NLK: variants seen among roughly 807,000 people sequenced by gnomAD.
NLK encodes the protein serine/threonine-protein kinase NLK.
A neutral mutation model predicts 59.0 loss-of-function variants in NLK; 11 were observed. The observed-to-expected ratio is 0.19, with a 90% CI of 0.12 to 0.31. The LOEUF (loss-of-function observed/expected upper bound fraction) is 0.31. Ranked by LOEUF, NLK falls within the 10% of genes least tolerant of loss-of-function variation. NLK has a pLI of 1.00. For missense variants in NLK, 410 were observed against 661.1 expected (o/e 0.62, Z 4.16); for synonymous variants, 235 against 235.9 (o/e 1.00, Z 0.03).
intron 1 of NLK, among the ~76,000 whole-genome samples, chr17:28,070,876 A>T (rs1381940472): frequency 5.9e-5 from 9 of 152,288 alleles, no homozygotes; most frequent in Admixed American, 5.2e-4. Flanking sequence ...TGGAAAATCA[A>T]TTGACTATAT....
chr17:28,153,738 C>T (rs1907583763), intron 3 of NLK, among the ~76,000 whole-genome samples: 3 of 152,164 alleles, frequency 2.0e-5, no homozygotes, highest in Admixed American at 2.0e-4. Flanking sequence ...CTTGACAATT[C>T]TGGAACCAGT....
At chr17:28,154,146 A>G (rs1166111880) in intron 3 of NLK, among the ~76,000 whole-genome samples, 1 of 152,240 alleles carries the variant, frequency 6.6e-6, no homozygotes, top group East Asian at 1.9e-4. Context: ...CTAAGCTGGC[A>G]GTAATGAGAA....
chr17:28,093,072 C>T (rs1262331472), intron 1 of NLK, among the ~76,000 whole-genome samples: 4 of 151,970 alleles, frequency 2.6e-5, no homozygotes, highest in African/African-American at 7.3e-5. Flanking sequence ...GGATTACAGG[C>T]GTGAACCACC....
intron 1 of NLK, among the ~76,000 whole-genome samples, chr17:28,078,295 A>C (rs777218160): frequency 6.6e-6 from 1 of 152,204 alleles, no homozygotes; most frequent in Non-Finnish European, 1.5e-5. Flanking sequence ...TGAAGTAAAA[A>C]TGACTATAAA....
At chr17:28,128,765 A>G (rs1370198359) in intron 2 of NLK, among the ~76,000 whole-genome samples, 1 of 152,228 alleles carries the variant, frequency 6.6e-6, no homozygotes, top group South Asian at 2.1e-4. Context: ...AAAGCTAAAT[A>G]TACACCTACC....
At chr17:28,156,213 T>C (rs1240653887) in intron 3 of NLK, among the ~76,000 whole-genome samples, 1 of 152,196 alleles carries the variant, frequency 6.6e-6, no homozygotes, top group Non-Finnish European at 1.5e-5. Context: ...TGCTCAGCTT[T>C]AACAATATTA....
intron 1 of NLK, among the ~76,000 whole-genome samples, chr17:28,088,104 A>C (rs1244618586): frequency 6.6e-6 from 1 of 152,208 alleles, no homozygotes; most frequent in Non-Finnish European, 1.5e-5. Context: ...GCATCCATGT[A>C]GTATATAGCA....
Position 28,066,057 on chromosome 17 carries a change from TTAC to T in NLK, c.458+22728_458+22730del, listed in dbSNP as rs1909812720. 2.0e-5 allele frequency among the ~76,000 whole-genome samples: 3 copies of T among 152,314 alleles called. No individual in the cohort carries two copies. In the South Asian group the frequency reaches 6.2e-4, roughly 32 times the overall value. Reference sequence around the variant, plus strand: ...GAAGTTATGTCAACGTAGCTTTCCTTTACTTTTCAGTCTCCAGATCCTGTTCTC... The same window carrying T: ...GAAGTTATGTCAACGTAGCTTTCCTTTTTTCAGTCTCCAGATCCTGTTCTC... On this transcript the variant is annotated intron_variant, in intron 1 of 10. Coordinates refer to ENST00000407008, the MANE Select transcript of NLK (RefSeq NM_016231.5).
At chr17:28,129,633 A>G (rs1395718575) in intron 2 of NLK, among the ~76,000 whole-genome samples, 1 of 152,220 alleles carries the variant, frequency 6.6e-6, no homozygotes, top group East Asian at 1.9e-4. Context: ...AGAATCTATT[A>G]TGGGGAGAGA....
chr17:28,042,720 T>G lies in NLK; in HGVS notation c.-154T>G. 1 of 666,064 alleles carries G rather than the reference T, an allele frequency of 1.5e-6. No homozygotes were observed. The highest frequency in any genetic ancestry group is 2.4e-6 in the Non-Finnish European group (1 of 422,100). The allele number at this position is 666,064 out of a possible 1,614,324, so 41.3% of individuals were successfully genotyped here. ...CTTCCACACACGCTCACCCCAAAAT[T>G]AAACACCAAGATCCTCTAACTTGTT... is the stretch of plus-strand genomic sequence containing the variant. On this transcript the variant is annotated 5_prime_UTR_variant, in exon 1 of 11. The change creates a new upstream start codon in the 5' untranslated region. Transcript: ENST00000407008.
chr17:28,050,022 A>T (rs1430191507), intron 1 of NLK, among the ~76,000 whole-genome samples: 1 of 152,174 alleles, frequency 6.6e-6, no homozygotes, highest in Non-Finnish European at 1.5e-5. Flanking sequence ...TACAATATTC[A>T]ATTATTGTAT....
chr17:28,096,997 A>G (rs761837563), intron 1 of NLK, among the ~76,000 whole-genome samples: 5 of 152,112 alleles, frequency 3.3e-5, no homozygotes, highest in Non-Finnish European at 7.4e-5. Flanking sequence ...CAGCTGTGTC[A>G]TTTATGTTAC....
At chr17:28,178,804 A>G (rs894905814) in intron 7 of NLK, among the ~76,000 whole-genome samples, 2 of 152,196 alleles carry the variant, frequency 1.3e-5, no homozygotes, top group African/African-American at 2.4e-5. Context: ...CTCACTGTGC[A>G]TGCTCACTTA....
chr17:28,156,194 C>G (rs370815251), intron 3 of NLK, among the ~76,000 whole-genome samples: 2 of 151,982 alleles, frequency 1.3e-5, no homozygotes, highest in African/African-American at 4.8e-5. Flanking sequence ...ATATAACTTG[C>G]GTACCTCATG....
At chr17:28,145,200 G>A (rs943075661) in intron 3 of NLK, among the ~76,000 whole-genome samples, 1 of 152,140 alleles carries the variant, frequency 6.6e-6, no homozygotes, top group Non-Finnish European at 1.5e-5. Flanking sequence ...TGATTTGCAT[G>A]AGTAAGCAAA....
intron 4 of NLK, among the ~76,000 whole-genome samples, chr17:28,162,911 C>A (rs1908070624): frequency 2.0e-5 from 3 of 150,732 alleles, no homozygotes; most frequent in Admixed American, 6.6e-5. Context: ...AGAGCGAGAC[C>A]CTGTCTCAAA....
chr17:28,148,368 G>A (rs1907344114), intron 3 of NLK, among the ~76,000 whole-genome samples: 1 of 151,892 alleles, frequency 6.6e-6, no homozygotes, highest in Non-Finnish European at 1.5e-5. Context: ...AAATATGAGG[G>A]GATATGAATC....
intron 1 of NLK, among the ~76,000 whole-genome samples, chr17:28,069,083 C>T (rs1191788437): frequency 6.6e-6 from 1 of 152,200 alleles, no homozygotes; most frequent in Non-Finnish European, 1.5e-5. Flanking sequence ...CATCCCCCTC[C>T]CCCTGCCCTA....
At chr17:28,065,283 T>G (rs1909789907) in intron 1 of NLK, among the ~76,000 whole-genome samples, 1 of 151,888 alleles carries the variant, frequency 6.6e-6, no homozygotes, top group Non-Finnish European at 1.5e-5. Flanking sequence ...TAGGCCTGAT[T>G]AGGGGAGTGA....
Sources: gnomAD v4.1 joint callset for allele counts (sites outside exome capture counted in the v4.1 genomes callset) on GRCh38, gnomAD v4.1.1 for gene constraint, MANE v1.5 for transcripts, NCBI Gene and HGNC (gene_info 2026-07-23, HGNC 2026-07-21) for gene names.